Variants in NRXN3 observed in about 807,000 individuals in gnomAD.
NRXN3 encodes the protein neurexin 3.
A neutral mutation model predicts 137.6 loss-of-function variants in NRXN3; 32 were observed. The observed-to-expected ratio is 0.23, with a 90% CI of 0.18 to 0.31. NRXN3 has a LOEUF of 0.31. NRXN3 is among the 10% of genes least tolerant of loss of function. The probability of loss-of-function intolerance (pLI) is 1.00; values close to 1 mark genes in which losing one functional copy is unlikely to be tolerated. For synonymous variants in NRXN3, 798 were observed against 784.5 expected, an observed-to-expected ratio of 1.02 and a Z score of -0.29; for missense variants, 1,574 against 2,062.5, an observed-to-expected ratio of 0.76 and a Z score of 4.59.
At chr14:79,516,665 G>A (rs77116826) in intron 16 of NRXN3, among the ~76,000 whole-genome samples, 2,692 of 152,174 alleles carry the variant, frequency 0.018, 122 homozygotes, top group East Asian at 0.15. Context: ...TTCTTTTTGT[G>A]TGATTCTAGA....
chr14:79,252,680 G>C (rs925529237), intron 15 of NRXN3, among the ~76,000 whole-genome samples: 2 of 152,144 alleles, frequency 1.3e-5, no homozygotes, highest in Non-Finnish European at 2.9e-5. Context: ...ATAATGTTAA[G>C]TATTACATTG....
At chr14:78,221,449 G>A (rs1433846171) in intron 1 of NRXN3, among the ~76,000 whole-genome samples, 1 of 152,218 alleles carries the variant, frequency 6.6e-6, no homozygotes, top group African/African-American at 2.4e-5. Flanking sequence ...CATGGGCATT[G>A]ATCACAGTAG....
intron 15 of NRXN3, among the ~76,000 whole-genome samples, chr14:79,106,959 G>T (rs1295526409): frequency 2.6e-5 from 4 of 152,098 alleles, no homozygotes; most frequent in African/African-American, 9.7e-5. Context: ...TTTAAAAAAA[G>T]TATAGATGAA....
At chr14:79,747,560 A>G (rs1160823758) in intron 19 of NRXN3, among the ~76,000 whole-genome samples, 1 of 152,102 alleles carries the variant, frequency 6.6e-6, no homozygotes, top group African/African-American at 2.4e-5. Flanking sequence ...TCTGAACTAC[A>G]AAGGACAAGG....
At chr14:79,812,523 A>T (rs2099237799) in intron 20 of NRXN3, among the ~76,000 whole-genome samples, 1 of 150,860 alleles carries the variant, frequency 6.6e-6, no homozygotes, top group Admixed American at 6.6e-5. Context: ...GAAAAAAAAA[A>T]TCACACAAGA....
intron 15 of NRXN3, among the ~76,000 whole-genome samples, chr14:79,238,087 T>C (rs2073706981): frequency 6.6e-6 from 1 of 152,084 alleles, no homozygotes; most frequent in Admixed American, 6.6e-5. Flanking sequence ...ATGATAAATA[T>C]AGGAAGAACA....
intron 1 of NRXN3, among the ~76,000 whole-genome samples, chr14:78,220,257 G>C (rs1049037381): frequency 1.3e-5 from 2 of 152,128 alleles, no homozygotes; most frequent in African/African-American, 2.4e-5. Context: ...TTTGTGAAGA[G>C]ATCTGGAGAT....
At chr14:79,019,922 G>T (rs1239226113) in intron 15 of NRXN3, among the ~76,000 whole-genome samples, 1 of 152,070 alleles carries the variant, frequency 6.6e-6, no homozygotes, top group Non-Finnish European at 1.5e-5. Context: ...TCATCTGAAA[G>T]ACTTGGTTAT....
rs143221263 is a variant in NRXN3, at chr14:78,987,761, A to G, written c.3143-261A>G. 7.4e-3 allele frequency among the ~76,000 whole-genome samples: 1,122 copies of G among 152,158 alleles called. 15 individuals carry two copies. The highest frequency in any genetic ancestry group is 0.024 in the African/African-American group (1,004 of 41,516). On this transcript the variant is annotated intron_variant, in intron 14 of 20. Transcript: ENST00000335750. ...AGAGATGAAGCTATTTTGCAAAGTCAACCCGAAGGAGAACAGTGTGTTCAG... is the reference window on the plus strand; with the variant it reads ...AGAGATGAAGCTATTTTGCAAAGTCGACCCGAAGGAGAACAGTGTGTTCAG...
At chr14:79,855,266 A>G in intron 20 of NRXN3, among the ~76,000 whole-genome samples, 1 of 152,218 alleles carries the variant, frequency 6.6e-6, no homozygotes. Context: ...TAAGATTGGT[A>G]AGAAGCACTA....
In NRXN3 at chr14:79,547,499, C is replaced by T. The variant is rs1019960135; in HGVS notation, c.3444+80097C>T. ...CAAATTATGTTGACATTATTTATTC[C>T]TTTGTTGATTAAATGAGTTGCCTCT... is the stretch of plus-strand genomic sequence containing the variant. On this transcript the variant is annotated intron_variant, in intron 16 of 20. Coordinates refer to ENST00000335750, the MANE Select transcript of NRXN3 (RefSeq NM_001330195.2). 5.9e-5 allele frequency among the ~76,000 whole-genome samples: 9 copies of T among 152,202 alleles called. No individual in the cohort carries two copies. The South Asian group carries it at 1.9e-3, about 32-fold the overall frequency.
intron 15 of NRXN3, among the ~76,000 whole-genome samples, chr14:79,321,371 C>T (rs1445018432): frequency 1.9e-4 from 29 of 152,116 alleles, no homozygotes; most frequent in Non-Finnish European, 4.4e-5. Flanking sequence ...ATTTCAAAAT[C>T]AGTCCTAACT....
At chr14:78,911,267 T>C (rs758340697) in intron 10 of NRXN3, among the ~76,000 whole-genome samples, 1 of 152,304 alleles carries the variant, frequency 6.6e-6, no homozygotes, top group Non-Finnish European at 1.5e-5. Context: ...TAGTAAGTTA[T>C]AGAGTTGGGA....
intron 4 of NRXN3, among the ~76,000 whole-genome samples, chr14:78,519,042 A>G (rs965364711): frequency 2.6e-5 from 4 of 152,188 alleles, no homozygotes; most frequent in African/African-American, 9.7e-5. Context: ...GATAGACTCT[A>G]GTATATAATA....
intron 6 of NRXN3, among the ~76,000 whole-genome samples, chr14:78,702,998 A>G (rs2098303287): frequency 6.6e-6 from 1 of 152,216 alleles, no homozygotes; most frequent in African/African-American, 2.4e-5. Context: ...TGCCCAATGT[A>G]ACACAGTTGG....
At chr14:78,281,942 G>A (rs2074464307) in intron 3 of NRXN3, among the ~76,000 whole-genome samples, 1 of 152,278 alleles carries the variant, frequency 6.6e-6, no homozygotes, top group Non-Finnish European at 1.5e-5. Context: ...TCTTTGCACA[G>A]CACATGGCAC....
chr14:79,376,072 A>G (rs2094268764), intron 15 of NRXN3, among the ~76,000 whole-genome samples: 1 of 148,112 alleles, frequency 6.8e-6, no homozygotes, highest in Non-Finnish European at 1.5e-5. Context: ...TATCTCTCAC[A>G]AATATTGTTT....
intron 14 of NRXN3, among the ~76,000 whole-genome samples, chr14:78,976,665 T>C (rs1362113489): frequency 2.6e-5 from 4 of 152,190 alleles, no homozygotes; most frequent in African/African-American, 7.2e-5. Flanking sequence ...ATGCTTTCTA[T>C]TGTGGAAAAT....
intron 15 of NRXN3, among the ~76,000 whole-genome samples, chr14:79,418,166 C>T (rs2095524733): frequency 6.6e-6 from 1 of 152,146 alleles, no homozygotes. Flanking sequence ...TACAGTAATA[C>T]ACTGAGGTAT....
Sources: gnomAD v4.1 joint callset for allele counts (sites outside exome capture counted in the v4.1 genomes callset) on GRCh38, gnomAD v4.1.1 for gene constraint, MANE v1.5 for transcripts, NCBI Gene and HGNC (gene_info 2026-07-23, HGNC 2026-07-21) for gene names.